The following AKR1C3 variants were observed in gnomAD, a reference collection of about 807,000 sequenced individuals.
The protein encoded by AKR1C3 is aldo-keto reductase family 1 member C3, also known as 3-alpha hydroxysteroid dehydrogenase, type II.
AKR1C3 carries 48 observed loss-of-function variants against 43.6 expected under a neutral mutation model. That is an observed-to-expected ratio of 1.10 (90% CI 0.87 to 1.40). The LOEUF (loss-of-function observed/expected upper bound fraction) is 1.40. AKR1C3 is among the 40% of genes most tolerant of loss of function. The pLI is 0.00. For missense variants in AKR1C3, 482 were observed against 391.2 expected (o/e 1.23, Z -1.96); for synonymous variants, 162 against 139.6 (o/e 1.16, Z -1.13).
intron 1 of AKR1C3, among the ~76,000 whole-genome samples, chr10:5,067,616 G>T (rs1179975404): frequency 6.6e-6 from 1 of 152,146 alleles, no homozygotes; most frequent in Non-Finnish European, 1.5e-5. Flanking sequence ...TATACAACCA[G>T]AAAACATGCA....
rs782155599 is a variant in AKR1C3 at position 5,097,634 on chromosome 10, A to G, written c.369+84A>G. 9 of 1,603,170 alleles carry G rather than the reference A, an allele frequency of 5.6e-6. No homozygotes were observed. In the East Asian group the frequency reaches 6.8e-5, roughly 12 times the overall value. On this transcript the variant is annotated intron_variant, in intron 3 of 8. Coordinates refer to ENST00000380554, the MANE Select transcript of AKR1C3 (RefSeq NM_003739.6). ...TCTGGATAGTTGAACAGAGCTTTTTATTAGGAGGATGTAGGGATTATCACA... is the reference window on the plus strand; with the variant it reads ...TCTGGATAGTTGAACAGAGCTTTTTGTTAGGAGGATGTAGGGATTATCACA...
intron 1 of AKR1C3, among the ~76,000 whole-genome samples, chr10:5,069,367 A>G (rs1838573878): frequency 1.3e-5 from 2 of 152,226 alleles, no homozygotes; most frequent in Admixed American, 1.3e-4. Flanking sequence ...AATAGAACTC[A>G]AATTCTATTT....
At chr10:5,101,079 A>G (rs1839337776) in intron 5 of AKR1C3, among the ~76,000 whole-genome samples, 1 of 152,192 alleles carries the variant, frequency 6.6e-6, no homozygotes, top group Non-Finnish European at 1.5e-5. Flanking sequence ...CATGTCGTTT[A>G]ACATCCAGTC....
At chr10:5,083,400 C>T (rs1260450743) in intron 1 of AKR1C3, among the ~76,000 whole-genome samples, 1 of 152,150 alleles carries the variant, frequency 6.6e-6, no homozygotes, top group East Asian at 1.9e-4. Flanking sequence ...CTAAAAAGGG[C>T]ATGAACTCAT....
At chr10:5,063,746 G>C (rs1431542969) in intron 1 of AKR1C3, among the ~76,000 whole-genome samples, 2 of 74,854 alleles carry the variant, frequency 2.7e-5, no homozygotes, top group African/African-American at 9.1e-5. Flanking sequence ...CTGGAGGACA[G>C]AGGTAGTCTC....
At chr10:5,077,965 G>T (rs4881396) in intron 1 of AKR1C3, 569,781 of 675,540 alleles carry the variant, frequency 0.84, 240,890 homozygotes, top group African/African-American at 0.92. Context: ...CAAGAAGGAT[G>T]CAAATATCAC....
At chr10:5,106,527 G>C (rs185587093) in intron 8 of AKR1C3, among the ~76,000 whole-genome samples, 210 of 152,256 alleles carry the variant, frequency 1.4e-3, no homozygotes, top group Middle Eastern at 3.4e-3. Context: ...GAGGTGGGCA[G>C]ATCGACTGAG....
At chr10:5,085,038 C>T (rs1838931673) in intron 1 of AKR1C3, among the ~76,000 whole-genome samples, 1 of 152,160 alleles carries the variant, frequency 6.6e-6, no homozygotes, top group Admixed American at 6.6e-5. Flanking sequence ...GACAATTTGA[C>T]TTCTTCTTTT....
chr10:5,105,897 A>G (rs1220615490), intron 8 of AKR1C3, among the ~76,000 whole-genome samples: 8 of 152,176 alleles, frequency 5.3e-5, no homozygotes, highest in Admixed American at 3.3e-4. Flanking sequence ...TCCTGACTCC[A>G]TGGAACTTTC....
intron 1 of AKR1C3, among the ~76,000 whole-genome samples, chr10:5,063,784 A>AAAAAAAAAAAAAAAAAAAG (rs1838434062): frequency 6.8e-6 from 1 of 148,130 alleles, no homozygotes; most frequent in Non-Finnish European, 1.5e-5. Context: ...AAAAAAAAAA[A>AAAAAAAAAAAAAAAAAAAG]AAAAAGGAAA....
At chr10:5,065,611 T>C (rs1838485620) in intron 1 of AKR1C3, among the ~76,000 whole-genome samples, 1 of 152,236 alleles carries the variant, frequency 6.6e-6, no homozygotes, top group African/African-American at 2.4e-5. Context: ...AGTGTGGTAA[T>C]GGGCATGAGC....
intron 1 of AKR1C3, among the ~76,000 whole-genome samples, chr10:5,054,788 CTCTT>C (rs1233523206): frequency 7.2e-5 from 11 of 152,150 alleles, no homozygotes; most frequent in Admixed American, 5.9e-4. Flanking sequence ...TCCCCTCTGT[CTCTT>C]TCTTTGACTT....
intron 1 of AKR1C3, among the ~76,000 whole-genome samples, chr10:5,085,350 T>G (rs1554782959): frequency 6.6e-6 from 1 of 152,056 alleles, no homozygotes; most frequent in East Asian, 1.9e-4. Flanking sequence ...GTTTTTGTCT[T>G]TGGTTCTGTT....
At chr10:5,103,919 G>C (rs1564372101) in intron 7 of AKR1C3, among the ~76,000 whole-genome samples, 1 of 151,896 alleles carries the variant, frequency 6.6e-6, no homozygotes, top group Non-Finnish European at 1.5e-5. Context: ...TATATGATAG[G>C]TTAATATATA....
intron 3 of AKR1C3, 47 bp from the exon 4 acceptor site, chr10:5,098,755 G>A (rs1356393395): frequency 1.9e-5 from 29 of 1,521,312 alleles, no homozygotes; most frequent in Non-Finnish European, 2.6e-5. Flanking sequence ...AGCTATGAGT[G>A]GAGAAATTAA....
At chr10:5,099,628 T>C in intron 5 of AKR1C3, 179 bp downstream of exon 5, 1 of 1,166,588 alleles carries the variant, frequency 8.6e-7, no homozygotes, top group Non-Finnish European at 1.2e-6. Context: ...TGGAAAAGTA[T>C]TAGGGAAAAA....
At chr10:5,076,701 T>C (rs1315441373) in intron 1 of AKR1C3, among the ~76,000 whole-genome samples, 1 of 152,180 alleles carries the variant, frequency 6.6e-6, no homozygotes, top group East Asian at 1.9e-4. Context: ...AGCATCTCTT[T>C]TCATGTGTCT....
At chr10:5,068,969 A>G (rs1272107989) in intron 1 of AKR1C3, among the ~76,000 whole-genome samples, 1 of 152,248 alleles carries the variant, frequency 6.6e-6, no homozygotes, top group Non-Finnish European at 1.5e-5. Flanking sequence ...CATTTTCAAG[A>G]CAACTGTATT....
chr10:5,053,655 C>A (rs1352229208), intron 1 of AKR1C3, among the ~76,000 whole-genome samples: 1 of 152,242 alleles, frequency 6.6e-6, no homozygotes, highest in Non-Finnish European at 1.5e-5. Context: ...AGCACATTGT[C>A]ACCTCTCAAT....
Sources: gnomAD v4.1 joint callset for allele counts (sites outside exome capture counted in the v4.1 genomes callset) on GRCh38, gnomAD v4.1.1 for gene constraint, MANE v1.5 for transcripts, NCBI Gene and HGNC (gene_info 2026-07-23, HGNC 2026-07-21) for gene names.